Variants in CLASRP observed in about 807,000 individuals in gnomAD.
CLASRP encodes the protein CLK4-associating serine/arginine rich protein.
Under a neutral mutation model 99.9 loss-of-function variants are expected in CLASRP, and 52 were observed. That is an observed-to-expected ratio of 0.52 (90% CI 0.42 to 0.66). The LOEUF is 0.66. Ranked by LOEUF, CLASRP falls within the 30% of genes least tolerant of loss-of-function variation. CLASRP has a pLI of 0.00. For synonymous variants in CLASRP, 379 were observed against 373.0 expected (o/e 1.02, Z -0.18); for missense variants, 848 against 999.2 (o/e 0.85, Z 2.04).
chr19:45,045,128 C>G (rs931224325), intron 2 of CLASRP, among the ~76,000 whole-genome samples: 1 of 152,138 alleles, frequency 6.6e-6, no homozygotes, highest in African/African-American at 2.4e-5. Context: ...AGTGTTGCAT[C>G]GAGGTCTAAG....
chr19:45,041,392 G>T (rs903603755), intron 2 of CLASRP, among the ~76,000 whole-genome samples: 1 of 152,088 alleles, frequency 6.6e-6, no homozygotes, highest in Non-Finnish European at 1.5e-5. Context: ...TTCATACTCG[G>T]ACAGCTCCAC....
chr19:45,052,663 C>G (rs778675893), intron 3 of CLASRP, 128 bp from the exon 4 acceptor site: 73 of 667,812 alleles, frequency 1.1e-4, no homozygotes, highest in Admixed American at 2.4e-4. Flanking sequence ...AGGTGAGGGT[C>G]ATGGCATGGG....
intron 13 of CLASRP, among the ~76,000 whole-genome samples, chr19:45,064,870 A>G (rs1318890621): frequency 2.0e-5 from 3 of 152,168 alleles, no homozygotes; most frequent in Non-Finnish European, 4.4e-5. Context: ...GTTTTCCACG[A>G]CAGGGTGTGG....
At position 45,070,573 on chromosome 19, in the gene CLASRP, C is replaced by G. The variant is rs767638677; in HGVS notation, c.1982+12C>G. On this transcript the variant is annotated intron_variant, in intron 20 of 20. Coordinates refer to ENST00000221455, the MANE Select transcript of CLASRP (RefSeq NM_007056.3). ...AGCTCTTCTCGAAGGTAAGGAAGCCCATGACCCTCCACTTTCTTGGAAGTA... is the reference window on the plus strand; with the variant it reads ...AGCTCTTCTCGAAGGTAAGGAAGCCGATGACCCTCCACTTTCTTGGAAGTA... The G allele has an allele frequency of 6.2e-7, 1 of 1,611,408 alleles. No individual in the cohort carries two copies. Among genetic ancestry groups the G allele is most frequent in the East Asian group, 2.2e-5 (1 of 44,886 alleles).
At chr19:45,066,268 C>T (rs897772816) in intron 13 of CLASRP, among the ~76,000 whole-genome samples, 5 of 151,842 alleles carry the variant, frequency 3.3e-5, no homozygotes, top group East Asian at 2.0e-4. Context: ...TACAGGCATG[C>T]GCCACCACAC....
rs769724767 is a variant in CLASRP at position 45,070,809 on chromosome 19, A to C, written c.1989A>C (p.Ser663=). 6.2e-7 allele frequency: 1 copy of C among 1,611,464 alleles called. No individual in the cohort carries two copies. The highest frequency in any genetic ancestry group is 2.2e-5 in the East Asian group (1 of 44,864). ...SREYSSSRRR[S]RSRSRSPHYR... ...CCTCCCTTTCTCTTTCCAGGCGCTC[A>C]AGGTCCCGATCCCGAAGCCCCCATT... Residue 663 remains serine, a synonymous_variant, in exon 21 of 21, where the codon TCA becomes TCC. Coordinates refer to ENST00000221455, the MANE Select transcript of CLASRP (RefSeq NM_007056.3).
Position 45,053,156 on chromosome 19 carries a change from G to A in CLASRP, c.358G>A (p.Val120Met). The A allele has an allele frequency of 6.2e-7, 1 of 1,614,060 alleles. No individual in the cohort carries two copies. Among genetic ancestry groups the A allele is most frequent in the Non-Finnish European group, 8.5e-7 (1 of 1,180,012 alleles). The change falls in exon 5 of 21, where the codon GTG (valine) becomes ATG (methionine). Residue 120 changes from valine to methionine, a missense_variant. By Grantham distance (21) the Val-to-Met change is conservative (BLOSUM62 1). Coordinates refer to ENST00000221455, the MANE Select transcript of CLASRP (RefSeq NM_007056.3). Reference protein sequence around the residue: ...KCNYERYRGLVQNDFAGISEE... With the variant: ...KCNYERYRGLMQNDFAGISEE... ...TAACTACGAGCGCTACAGAGGCCTG[G>A]TGCAGAACGACTTTGCCGGCAGTGA...
At position 45,070,904 on chromosome 19, in the gene CLASRP, C is replaced by A; in HGVS notation, c.*59C>A. The A allele has an allele frequency of 2.8e-6, 3 of 1,055,952 alleles. No homozygotes were observed. In the South Asian group the frequency reaches 4.2e-5, roughly 15 times the overall value. 65.4% of individuals were successfully genotyped at this position (1,055,952 alleles called of 1,614,324 possible). A position where few individuals can be genotyped will look rare whatever the true frequency, so the allele number is the denominator to read the frequency against. On this transcript the variant is annotated 3_prime_UTR_variant, in exon 21 of 21. Coordinates refer to ENST00000221455, the MANE Select transcript of CLASRP (RefSeq NM_007056.3). ...TGGGTAAGGGGCTCAAGCTGTGATG[C>A]TGCTGGTTTTATCTCTAGTGAAATA...
At chr19:45,048,491 A>C (rs917337700) in intron 2 of CLASRP, among the ~76,000 whole-genome samples, 2 of 151,204 alleles carry the variant, frequency 1.3e-5, no homozygotes. Flanking sequence ...ATGCCATTGC[A>C]CTCCAGCCTG....
At chr19:45,055,356 G>A (rs1203556086) in intron 5 of CLASRP, among the ~76,000 whole-genome samples, 1 of 152,224 alleles carries the variant, frequency 6.6e-6, no homozygotes, top group African/African-American at 2.4e-5. Flanking sequence ...CACTGGAGGG[G>A]CAGAGAGAAG....
At position 45,067,456 on chromosome 19, in the gene CLASRP, G is replaced by T; in HGVS notation, c.1529G>T (p.Arg510Leu). The T allele has an allele frequency of 2.6e-6, 4 of 1,547,442 alleles. No individual in the cohort carries two copies. Among genetic ancestry groups the T allele is most frequent in the Non-Finnish European group, 1.7e-6 (2 of 1,150,828 alleles). ...CCGTCCCGCAGTCGCAGCCTGACTCGCAGCCGCAGCCATAGCCCCAGCCCC... is the reference window on the plus strand; with the variant it reads ...CCGTCCCGCAGTCGCAGCCTGACTCTCAGCCGCAGCCATAGCCCCAGCCCC... ...LSPSRSRSLT[R>L]SRSHSPSPSQ... is the part of the protein sequence containing the mutation. The change falls in exon 14 of 21, where the codon CGC (arginine) becomes CTC (leucine). Residue 510 changes from arginine to leucine, a missense_variant. Transcript: ENST00000221455. This position sits in a 1 kb window ranked among gnomAD's most constrained non-coding sequence, Gnocchi z 4.9.
chr19:45,064,736 A>G, intron 13 of CLASRP, 106 bp downstream of exon 13: 1 of 1,443,036 alleles, frequency 6.9e-7, no homozygotes, highest in Non-Finnish European at 9.1e-7. Flanking sequence ...AGCTCAGAGA[A>G]CACCCCATCT....
chr19:45,061,913 C>T (rs1966947559), intron 10 of CLASRP, among the ~76,000 whole-genome samples: 1 of 149,400 alleles, frequency 6.7e-6, no homozygotes, highest in Non-Finnish European at 1.5e-5. Context: ...TGCTGAAGTC[C>T]AAGTTCCTCA....
rs565600159 is a variant in CLASRP at position 45,063,436 on chromosome 19, CTTTTTTTT to C, written c.906-556_906-549del. Among the ~76,000 whole-genome samples, 78 of 42,384 alleles carry C rather than the reference CTTTTTTTT, an allele frequency of 1.8e-3. 1 individual carries two copies. Among genetic ancestry groups the C allele is most frequent in the Non-Finnish European group, 3.2e-3 (70 of 21,832 alleles). The allele number at this position is 42,384 out of a possible 152,430, so 27.8% of individuals were successfully genotyped here. ...GTGTTTTGTACAGAGATCTGCTTAT[CTTTTTTTT>C]TTTTTTTTTTTTTTTTTTTGAGACG... On this transcript the variant is annotated intron_variant, in intron 11 of 20. Transcript: ENST00000221455.
intron 2 of CLASRP, among the ~76,000 whole-genome samples, chr19:45,043,195 TTGTGTGTGTGTGTGTG>T (rs58669276): frequency 5.9e-5 from 8 of 134,750 alleles, no homozygotes; most frequent in African/African-American, 1.4e-4. Flanking sequence ...AAGGAATACT[TTGTGTGTGTGTGTGTG>T]TGTGTGTGTG....
chr19:45,064,322 C>T, intron 12 of CLASRP, 21 bp from the exon 13 acceptor site: 1 of 1,516,586 alleles, frequency 6.6e-7, no homozygotes, highest in Non-Finnish European at 8.8e-7. Flanking sequence ...CGCTGACCGG[C>T]CCTCCGTGCC....
At chr19:45,061,136 C>A (rs1485949055) in intron 10 of CLASRP, among the ~76,000 whole-genome samples, 2 of 152,210 alleles carry the variant, frequency 1.3e-5, no homozygotes, top group Non-Finnish European at 2.9e-5. Flanking sequence ...AAAGCCCAGC[C>A]TGGGTCAGGA....
At chr19:45,044,147 G>A (rs750306920) in intron 2 of CLASRP, among the ~76,000 whole-genome samples, 5 of 152,210 alleles carry the variant, frequency 3.3e-5, no homozygotes, top group Admixed American at 6.5e-5. Flanking sequence ...TTCCCAAAGC[G>A]CTGGGATTAT....
rs1392408353 is a variant in CLASRP, at chr19:45,069,055, T to A, written c.1769-11T>A. On this transcript the variant is annotated splice_polypyrimidine_tract_variant and intron_variant, in intron 16 of 20. Coordinates refer to ENST00000221455, the MANE Select transcript of CLASRP (RefSeq NM_007056.3). ...GGAACCCCTCAGCCACCCTGTTCTTTCTCTCTACAGTCAAGGCGGATAAGA... is the reference window on the plus strand; with the variant it reads ...GGAACCCCTCAGCCACCCTGTTCTTACTCTCTACAGTCAAGGCGGATAAGA... 1.9e-6 allele frequency: 3 copies of A among 1,613,054 alleles called. No homozygotes were observed. In the African/African-American group the frequency reaches 4.0e-5, roughly 22 times the overall value.
Sources: allele counts gnomAD v4.1 joint callset (sites outside exome capture counted in the v4.1 genomes callset), GRCh38; gene constraint gnomAD v4.1.1; non-coding constraint Gnocchi (gnomAD v3.1); transcripts MANE v1.5; gene names NCBI Gene and HGNC (gene_info 2026-07-23, HGNC 2026-07-21).